FANCL: variants seen among roughly 807,000 people sequenced by gnomAD.
FANCL encodes FA complementation group L, also known as E3 ubiquitin-protein ligase FANCL.
Under a neutral mutation model 59.4 loss-of-function variants are expected in FANCL, and 69 were observed. The ratio of observed to expected loss-of-function variants is 1.16; its 90% confidence interval spans 0.96 to 1.42. The LOEUF (loss-of-function observed/expected upper bound fraction) is 1.42, where lower values mean the gene tolerates loss of function less well. Among genes scored for constraint, FANCL ranks in the 40% most tolerant of loss-of-function variants. The pLI is 0.00. For missense variants in FANCL, 519 were observed against 447.2 expected (o/e 1.16, Z -1.45); for synonymous variants, 180 against 147.1 (o/e 1.22, Z -1.62).
intron 7 of FANCL, among the ~76,000 whole-genome samples, chr2:58,192,464 G>GGT (rs1689018032): frequency 6.6e-6 from 1 of 151,838 alleles, no homozygotes; most frequent in Non-Finnish European, 1.5e-5. Context: ...TTTTTAAAAA[G>GGT]TGACCTCTAG....
At chr2:58,214,255 A>G (rs550949000) in intron 5 of FANCL, among the ~76,000 whole-genome samples, 248 of 152,276 alleles carry the variant, frequency 1.6e-3, no homozygotes, top group African/African-American at 5.8e-3. Context: ...GCTTTCATCT[A>G]TTATCGAAGT....
Position 58,189,162 on chromosome 2 carries a change from T to A in FANCL, c.540+9432A>T, listed in dbSNP as rs986384045. 1.3e-5 allele frequency among the ~76,000 whole-genome samples: 2 copies of A among 152,208 alleles called. 1 individual carries two copies. Among genetic ancestry groups the A allele is most frequent in the Admixed American group, 1.3e-4 (2 of 15,270 alleles). On this transcript the variant is annotated intron_variant, in intron 7 of 13. Coordinates refer to ENST00000233741, the MANE Select transcript of FANCL (RefSeq NM_018062.4). ...GGAGGTGACTGGGATGTGATGGATG[T>A]GTTTATTATCCTGATTGTGGTGACA...
intron 1 of FANCL, among the ~76,000 whole-genome samples, chr2:58,237,476 T>C (rs971889961): frequency 6.6e-6 from 1 of 151,818 alleles, no homozygotes; most frequent in African/African-American, 2.4e-5. Flanking sequence ...CAAAAGAAAA[T>C]TTAAAGCACT....
intron 5 of FANCL, among the ~76,000 whole-genome samples, chr2:58,214,625 T>G (rs552604469): frequency 6.6e-6 from 1 of 152,058 alleles, no homozygotes; most frequent in African/African-American, 2.4e-5. Context: ...TCCTCCCACC[T>G]CAGCCTCCCG....
chr2:58,210,040 T>C (rs1179862996), intron 5 of FANCL, among the ~76,000 whole-genome samples: 5 of 152,186 alleles, frequency 3.3e-5, no homozygotes, highest in Non-Finnish European at 7.4e-5. Context: ...CTCTAGACTC[T>C]AAATGATAAA....
chr2:58,172,951 T>C (rs1182570888), intron 7 of FANCL, among the ~76,000 whole-genome samples: 1 of 152,146 alleles, frequency 6.6e-6, no homozygotes, highest in Non-Finnish European at 1.5e-5. Context: ...AAGCAGCTGA[T>C]GGAGCTGAAA....
At chr2:58,229,915 G>A (rs1238104049) in intron 2 of FANCL, 41 bp from the exon 3 acceptor site, 14 of 1,439,642 alleles carry the variant, frequency 9.7e-6, no homozygotes, top group Non-Finnish European at 1.3e-5. Context: ...TCATTGTTCA[G>A]AATTAAAAAC....
intron 5 of FANCL, among the ~76,000 whole-genome samples, chr2:58,219,136 A>C (rs1306347604): frequency 1.0e-5 from 1 of 97,614 alleles, no homozygotes; most frequent in Non-Finnish European, 2.0e-5. Flanking sequence ...AAGTAAATAC[A>C]TGCTAAAAAA....
intron 7 of FANCL, among the ~76,000 whole-genome samples, chr2:58,192,556 TATCTAC>T (rs1335540129): frequency 6.6e-6 from 1 of 152,002 alleles, no homozygotes; most frequent in African/African-American, 2.4e-5. Flanking sequence ...ACATTACTTA[TATCTAC>T]ATAGGATACA....
intron 7 of FANCL, among the ~76,000 whole-genome samples, chr2:58,177,386 A>G (rs1209764199): frequency 1.3e-5 from 2 of 151,868 alleles, no homozygotes; most frequent in East Asian, 1.9e-4. Context: ...CAACCCAAAT[A>G]TCCAACAATG....
intron 7 of FANCL, among the ~76,000 whole-genome samples, chr2:58,169,227 G>C (rs1686280373): frequency 6.6e-6 from 1 of 152,210 alleles, no homozygotes; most frequent in African/African-American, 2.4e-5. Context: ...CAAAATCTTT[G>C]CTGTTCTGCA....
chr2:58,238,322 A>T (rs1694210313), intron 1 of FANCL, among the ~76,000 whole-genome samples: 2 of 152,220 alleles, frequency 1.3e-5, no homozygotes, highest in Non-Finnish European at 2.9e-5. Context: ...ATCATGAGAG[A>T]TTTTGATCAA....
At chr2:58,164,377 C>T (rs1049566612) in intron 8 of FANCL, among the ~76,000 whole-genome samples, 7 of 151,930 alleles carry the variant, frequency 4.6e-5, no homozygotes, top group African/African-American at 1.4e-4. Flanking sequence ...AAAAAAATGA[C>T]TAGCCATTCA....
At chr2:58,178,018 C>T (rs1209054061) in intron 7 of FANCL, among the ~76,000 whole-genome samples, 1 of 152,012 alleles carries the variant, frequency 6.6e-6, no homozygotes, top group Admixed American at 6.6e-5. Flanking sequence ...TGGACACATA[C>T]ACCCTCCCAA....
intron 7 of FANCL, among the ~76,000 whole-genome samples, chr2:58,177,774 T>G (rs1181895779): frequency 7.7e-6 from 1 of 129,826 alleles, no homozygotes; most frequent in East Asian, 2.2e-4. Flanking sequence ...TAAAACTTAA[T>G]AATAAAATAA....
At chr2:58,214,422 CCTT>C (rs1691499465) in intron 5 of FANCL, among the ~76,000 whole-genome samples, 1 of 151,918 alleles carries the variant, frequency 6.6e-6, no homozygotes, top group Non-Finnish European at 1.5e-5. Flanking sequence ...TATACTCTAC[CCTT>C]CTTATCGTGG....
intron 7 of FANCL, among the ~76,000 whole-genome samples, chr2:58,168,204 G>C (rs1171552022): frequency 6.6e-6 from 1 of 152,200 alleles, no homozygotes; most frequent in African/African-American, 2.4e-5. Context: ...CTCCCAGCGA[G>C]ATCAAGGCAG....
At chr2:58,202,376 CTTTT>C (rs1002732977) in intron 6 of FANCL, among the ~76,000 whole-genome samples, 2 of 149,156 alleles carry the variant, frequency 1.3e-5, no homozygotes, top group Admixed American at 6.7e-5. Context: ...CTAGAACTAA[CTTTT>C]TTTTCCTAAA....
intron 6 of FANCL, 54 bp from the exon 7 acceptor site, chr2:58,198,716 T>C: frequency 7.1e-7 from 1 of 1,409,694 alleles, no homozygotes; most frequent in African/African-American, 1.4e-5. Flanking sequence ...TTAATATCAC[T>C]GAGGTATTTT....
Sources: gnomAD v4.1 joint callset for allele counts (sites outside exome capture counted in the v4.1 genomes callset) on GRCh38, gnomAD v4.1.1 for gene constraint, MANE v1.5 for transcripts, NCBI Gene and HGNC (gene_info 2026-07-23, HGNC 2026-07-21) for gene names.